EXOSC5: variants seen among roughly 807,000 people sequenced by gnomAD.
EXOSC5 encodes the protein exosome component 5, also known as exosome complex component RRP46.
In EXOSC5, 15 loss-of-function variants were observed where a neutral mutation model predicts 23.7. That is an observed-to-expected ratio of 0.63 (90% CI 0.42 to 0.97). The LOEUF (loss-of-function observed/expected upper bound fraction) is 0.97. Ranked by LOEUF, EXOSC5 falls within the 50% of genes least tolerant of loss-of-function variation. EXOSC5 has a pLI of 0.00. For missense variants in EXOSC5, 305 were observed against 316.3 expected, an observed-to-expected ratio of 0.96 and a Z score of 0.27; for synonymous variants, 143 against 140.9, an observed-to-expected ratio of 1.02 and a Z score of -0.11.
At chr19:41,389,547 G>A (rs750371936) in intron 4 of EXOSC5, among the ~76,000 whole-genome samples, 1 of 152,244 alleles carries the variant, frequency 6.6e-6, no homozygotes, top group African/African-American at 2.4e-5. Flanking sequence ...TTACAGGCGT[G>A]AGCCACCGCT....
rs945600962 is a variant in EXOSC5 at position 41,386,842 on chromosome 19, T to C, written c.616-117A>G. On this transcript the variant is annotated intron_variant, in intron 5 of 5. Transcript: ENST00000221233. The stretch of plus-strand genomic sequence containing the variant: ...CTCCCTTAACCTCCCATCACTCCCC[T>C]GCCCCCAAGTGAGGCAAGTGGTAAG... 7.8e-6 allele frequency: 6 copies of C among 767,140 alleles called. No individual in the cohort carries two copies. The African/African-American group carries it at 1.0e-4, about 13-fold the overall frequency. The allele number at this position is 767,140 out of a possible 1,614,324, so 47.5% of individuals were successfully genotyped here. A position where few individuals can be genotyped will look rare whatever the true frequency, so the allele number is the denominator to read the frequency against.
At chr19:41,388,492 G>C (rs751367149) in intron 4 of EXOSC5, among the ~76,000 whole-genome samples, 1 of 152,234 alleles carries the variant, frequency 6.6e-6, no homozygotes, top group Non-Finnish European at 1.5e-5. Flanking sequence ...GACATGCTAT[G>C]TGCATCCAGA....
intron 4 of EXOSC5, 86 bp from the exon 5 acceptor site, chr19:41,387,689 G>A: frequency 1.1e-6 from 1 of 950,942 alleles, no homozygotes; most frequent in Non-Finnish European, 1.5e-6. Flanking sequence ...CAGGCACAGT[G>A]GCTCATGACC....
At chr19:41,395,730 C>T (rs1300180085) in intron 1 of EXOSC5, among the ~76,000 whole-genome samples, 1 of 152,196 alleles carries the variant, frequency 6.6e-6, no homozygotes, top group Non-Finnish European at 1.5e-5. Context: ...TCACATGTCT[C>T]TGACTGCTCA....
rs376371080 is a variant in EXOSC5, at chr19:41,392,951, C to T, written c.178G>A (p.Gly60Arg). Residue 60 changes from glycine (G) to arginine (R), a missense_variant, in exon 2 of 6, where the codon GGG becomes AGG. By Grantham distance (125) the Gly-to-Arg change is moderately radical. Coordinates refer to ENST00000221233, the MANE Select transcript of EXOSC5 (RefSeq NM_020158.4). Reference sequence around the variant, plus strand: ...TTGCTGACCTTCACCTCGGCCGGCCCGTACACACCCGCCAGGACAGAGGTG... The same window carrying T: ...TTGCTGACCTTCACCTCGGCCGGCCTGTACACACCCGCCAGGACAGAGGTG... Reference protein sequence around the residue: ...GDTSVLAGVYGPAEVKVSKEI... With the variant: ...GDTSVLAGVYRPAEVKVSKEI... 9 of 1,613,256 alleles carry T rather than the reference C, an allele frequency of 5.6e-6. No individual in the cohort carries two copies. Among genetic ancestry groups the T allele is most frequent in the African/African-American group, 1.3e-5 (1 of 74,884 alleles).
chr19:41,394,585 T>C (rs1333287983), intron 1 of EXOSC5, among the ~76,000 whole-genome samples: 2 of 149,692 alleles, frequency 1.3e-5, no homozygotes, highest in Non-Finnish European at 3.0e-5. Flanking sequence ...TGGCGCAATC[T>C]CAGTTCACTG....
At chr19:41,387,439 G>A in intron 5 of EXOSC5, 75 bp downstream of exon 5, 1 of 1,208,062 alleles carries the variant, frequency 8.3e-7, no homozygotes, top group Non-Finnish European at 1.1e-6. Context: ...TCAGAATCCA[G>A]GGCAGAGTTG....
chr19:41,393,926 C>G (rs997200858), intron 1 of EXOSC5, among the ~76,000 whole-genome samples: 1 of 152,150 alleles, frequency 6.6e-6, no homozygotes, highest in East Asian at 1.9e-4. Flanking sequence ...CTGCTCTCAA[C>G]TTCTCTTTCC....
At chr19:41,388,487 G>A (rs1599938863) in intron 4 of EXOSC5, among the ~76,000 whole-genome samples, 1 of 152,212 alleles carries the variant, frequency 6.6e-6, no homozygotes, top group Non-Finnish European at 1.5e-5. Context: ...AGCAGGACAT[G>A]CTATGTGCAT....
At chr19:41,392,164 C>A in intron 2 of EXOSC5, 1 of 665,276 alleles carries the variant, frequency 1.5e-6, no homozygotes, top group Non-Finnish European at 2.3e-6. Flanking sequence ...CAGCATCCAC[C>A]AAGGGAACCA....
chr19:41,391,034 A>G (rs941487298), intron 3 of EXOSC5, among the ~76,000 whole-genome samples: 3 of 152,100 alleles, frequency 2.0e-5, no homozygotes, highest in African/African-American at 7.2e-5. Context: ...GGGCGCCCCC[A>G]GCACTGAGGG....
chr19:41,394,425 C>G (rs993136193), intron 1 of EXOSC5, among the ~76,000 whole-genome samples: 9 of 151,864 alleles, frequency 5.9e-5, no homozygotes, highest in Non-Finnish European at 1.0e-4. Flanking sequence ...GTGGCTCACA[C>G]CTGTAATCCC....
At chr19:41,395,857 T>C (rs1276527096) in intron 1 of EXOSC5, among the ~76,000 whole-genome samples, 1 of 152,236 alleles carries the variant, frequency 6.6e-6, no homozygotes, top group African/African-American at 2.4e-5. Context: ...AAATTGCCTA[T>C]GTCCAGCTTG....
At chr19:41,387,470 GGGAA>G (rs760278018) in intron 5 of EXOSC5, 40 bp downstream of exon 5, 11 of 1,476,796 alleles carry the variant, frequency 7.4e-6, no homozygotes, top group South Asian at 1.3e-5. Context: ...GTATGTCAGT[GGGAA>G]GGAAGGTTCT....
chr19:41,396,688 G>A (rs1322068615), intron 1 of EXOSC5, among the ~76,000 whole-genome samples: 1 of 150,604 alleles, frequency 6.6e-6, no homozygotes, highest in Non-Finnish European at 1.5e-5. Flanking sequence ...ATGCAGTGAG[G>A]TAGCGGTGGG....
intron 4 of EXOSC5, among the ~76,000 whole-genome samples, chr19:41,388,947 GTTTTA>G (rs915746091): frequency 6.6e-5 from 10 of 152,158 alleles, no homozygotes; most frequent in East Asian, 1.9e-4. Flanking sequence ...TAAAGTCCTG[GTTTTA>G]TTTTATTTTA....
intron 3 of EXOSC5, 131 bp downstream of exon 3, chr19:41,391,710 C>T (rs1484272556): frequency 7.0e-6 from 9 of 1,281,618 alleles, no homozygotes; most frequent in South Asian, 5.1e-5. Flanking sequence ...GCTGTTTGCT[C>T]TCCTTCTTCA....
At chr19:41,392,815 G>C in intron 2 of EXOSC5, 52 bp downstream of exon 2, 5 of 1,547,956 alleles carry the variant, frequency 3.2e-6, no homozygotes, top group Non-Finnish European at 4.5e-6. Context: ...GAGCTGGGGG[G>C]GTGATTTTGA....
chr19:41,397,145 C>A (rs191942323), intron 1 of EXOSC5, 36 bp downstream of exon 1: 4 of 1,608,976 alleles, frequency 2.5e-6, no homozygotes, highest in Non-Finnish European at 3.4e-6. Flanking sequence ...ACACGGTAGT[C>A]CCTCTCCAAA....
Sources: gnomAD v4.1 joint callset for allele counts (sites outside exome capture counted in the v4.1 genomes callset) on GRCh38, gnomAD v4.1.1 for gene constraint, MANE v1.5 for transcripts, NCBI Gene and HGNC (gene_info 2026-07-23, HGNC 2026-07-21) for gene names.